PSD3: variants seen among roughly 807,000 people sequenced by gnomAD.
PSD3 encodes PH and SEC7 domain-containing protein 3.
PSD3 carries 49 observed loss-of-function variants against 105.5 expected under a neutral mutation model. That is an observed-to-expected ratio of 0.46 (90% confidence interval 0.37 to 0.59). The LOEUF (loss-of-function observed/expected upper bound fraction) is 0.59. PSD3 is among the 20% of genes least tolerant of loss of function. The probability of loss-of-function intolerance (pLI) is 0.00; values close to 1 mark genes in which losing one functional copy is unlikely to be tolerated. For synonymous variants in PSD3, 557 were observed against 457.8 expected, an observed-to-expected ratio of 1.22 and a Z score of -2.77; for missense variants, 1,561 against 1,263.8, an observed-to-expected ratio of 1.24 and a Z score of -3.57.
chr8:18,823,296 A>G (rs893357870), intron 4 of PSD3, among the ~76,000 whole-genome samples: 1 of 152,184 alleles, frequency 6.6e-6, no homozygotes, highest in African/African-American at 2.4e-5. Flanking sequence ...TCATCTAGAC[A>G]GTCTAAGTTT....
At chr8:18,920,733 T>G (rs567123742) in intron 2 of PSD3, among the ~76,000 whole-genome samples, 26 of 152,316 alleles carry the variant, frequency 1.7e-4, no homozygotes, top group African/African-American at 6.0e-4. Context: ...TAGTTCTTCC[T>G]GGTGTGGTAC....
chr8:18,791,729 G>A (rs910953723), intron 8 of PSD3, among the ~76,000 whole-genome samples: 7 of 152,074 alleles, frequency 4.6e-5, no homozygotes, highest in Admixed American at 1.3e-4. Context: ...ATTGACAAAC[G>A]GGATCCAATC....
At chr8:18,939,753 A>G (rs936846151) in intron 1 of PSD3, among the ~76,000 whole-genome samples, 1 of 152,226 alleles carries the variant, frequency 6.6e-6, no homozygotes, top group Admixed American at 6.5e-5. Context: ...TTATCAGACT[A>G]TCAAGAGGAG....
chr8:18,790,550 C>T (rs530394167), intron 8 of PSD3, among the ~76,000 whole-genome samples: 2 of 152,102 alleles, frequency 1.3e-5, no homozygotes, highest in African/African-American at 2.4e-5. Context: ...GATCTGCCCA[C>T]CTTGGCCTCC....
At chr8:18,648,722 C>G (rs1808242762) in intron 10 of PSD3, among the ~76,000 whole-genome samples, 1 of 152,212 alleles carries the variant, frequency 6.6e-6, no homozygotes, top group Admixed American at 6.5e-5. Context: ...CCCCTCCTAT[C>G]ACAGGCCTGG....
chr8:18,910,185 C>T (rs529104587), intron 2 of PSD3, among the ~76,000 whole-genome samples: 121 of 151,458 alleles, frequency 8.0e-4, no homozygotes, highest in African/African-American at 2.7e-3. Flanking sequence ...GACACATGCA[C>T]ACGTATGTTT....
chr8:18,823,766 T>C (rs2021836), intron 4 of PSD3, among the ~76,000 whole-genome samples: 5,584 of 140,960 alleles, frequency 0.04, 122 homozygotes, highest in Admixed American at 0.079. Flanking sequence ...CATGGTGCTT[T>C]ATCTTAAACA....
At chr8:18,972,590 C>A (rs1256420794) in intron 1 of PSD3, among the ~76,000 whole-genome samples, 3 of 152,288 alleles carry the variant, frequency 2.0e-5, no homozygotes, top group African/African-American at 7.2e-5. Flanking sequence ...ACCCTAATCC[C>A]AGTATGATGG....
intron 1 of PSD3, among the ~76,000 whole-genome samples, chr8:19,048,127 C>A (rs1214376855): frequency 6.6e-6 from 1 of 152,190 alleles, no homozygotes; most frequent in African/African-American, 2.4e-5. Context: ...GCCTCTGCCA[C>A]AGTTGGCAGC....
chr8:18,803,263 G>C (rs1465142592), intron 6 of PSD3: 1 of 122,758 alleles, frequency 8.1e-6, no homozygotes, highest in East Asian at 2.7e-4. Context: ...CTCCAGCCTG[G>C]GTGACAGAGC....
At chr8:18,912,588 T>G (rs1820304827) in intron 2 of PSD3, among the ~76,000 whole-genome samples, 1 of 152,200 alleles carries the variant, frequency 6.6e-6, no homozygotes, top group Admixed American at 6.5e-5. Flanking sequence ...TTTGTGCCTG[T>G]TAATGTTTAT....
chr8:19,021,441 C>T (rs893700268), intron 1 of PSD3, among the ~76,000 whole-genome samples: 12 of 151,592 alleles, frequency 7.9e-5, no homozygotes, highest in African/African-American at 2.7e-4. Flanking sequence ...TACTCACTCC[C>T]AATTTTTTTT....
chr8:19,009,268 C>G (rs749222917), intron 1 of PSD3, among the ~76,000 whole-genome samples: 90 of 150,184 alleles, frequency 6.0e-4, no homozygotes, highest in Non-Finnish European at 1.2e-3. Flanking sequence ...ATTCAGATTC[C>G]AAGACTCGAA....
intron 9 of PSD3, 83 bp downstream of exon 9, chr8:18,765,366 G>T (rs1806889595): frequency 2.4e-6 from 3 of 1,234,610 alleles, no homozygotes; most frequent in African/African-American, 1.5e-5. Context: ...ATACTTAAGT[G>T]ATCCTTAGCC....
chr8:18,630,937 C>T (rs949573256), intron 11 of PSD3, among the ~76,000 whole-genome samples: 1 of 151,942 alleles, frequency 6.6e-6, no homozygotes. Context: ...AGATACTATG[C>T]CATTTTATAT....
At chr8:18,560,006 G>A (rs1029384581) in intron 14 of PSD3, among the ~76,000 whole-genome samples, 3 of 152,100 alleles carry the variant, frequency 2.0e-5, no homozygotes, top group Non-Finnish European at 4.4e-5. Flanking sequence ...GGCTTCATAA[G>A]GCAGGAGTCA....
At chr8:18,784,648 G>A (rs553948631) in intron 8 of PSD3, among the ~76,000 whole-genome samples, 12 of 152,274 alleles carry the variant, frequency 7.9e-5, no homozygotes, top group East Asian at 1.9e-4. Flanking sequence ...ACAGAACTCA[G>A]GGAAACATTT....
chr8:18,831,369 T>C (rs1369696117), intron 4 of PSD3, among the ~76,000 whole-genome samples: 1 of 152,210 alleles, frequency 6.6e-6, no homozygotes, highest in Non-Finnish European at 1.5e-5. Flanking sequence ...TAATTTCACA[T>C]AAAATCAGTT....
chr8:18,775,357 G>A (rs947907851), intron 8 of PSD3, among the ~76,000 whole-genome samples: 4 of 152,230 alleles, frequency 2.6e-5, no homozygotes, highest in Middle Eastern at 3.4e-3. Context: ...TACTGACTTC[G>A]TTTCTTTTAA....
Sources: gnomAD v4.1 joint callset for allele counts (sites outside exome capture counted in the v4.1 genomes callset) on GRCh38, gnomAD v4.1.1 for gene constraint, MANE v1.5 for transcripts, NCBI Gene and HGNC (gene_info 2026-07-23, HGNC 2026-07-21) for gene names.